The following MYO19 variants were observed in gnomAD, a reference collection of about 807,000 sequenced individuals.
MYO19 encodes the protein unconventional myosin-XIX.
MYO19 carries 132 observed loss-of-function variants against 129.2 expected under a neutral mutation model. The ratio of observed to expected loss-of-function variants is 1.02; its 90% CI spans 0.89 to 1.18. The LOEUF is 1.18. Among genes scored for constraint, MYO19 ranks in the 50% most tolerant of loss-of-function variants. The pLI is 0.00. For missense variants in MYO19, 1,210 were observed against 1,216.7 expected (o/e 0.99, Z 0.08); for synonymous variants, 531 against 477.2 (o/e 1.11, Z -1.47).
chr17:36,524,549 T>C lies in MYO19; in HGVS notation c.414+679A>G, dbSNP rs564433596. ...CCCCACTCATCTGTATGCAACATCC[T>C]GTCTCACCTGTTGTGGTTTTGCTAC... is the stretch of plus-strand genomic sequence containing the variant. On this transcript the variant is annotated intron_variant, in intron 6 of 25. Coordinates refer to ENST00000614623, the MANE Select transcript of MYO19 (RefSeq NM_001163735.2). 3.9e-5 allele frequency among the ~76,000 whole-genome samples: 6 copies of C among 152,354 alleles called. No individual in the cohort carries two copies. The South Asian group carries it at 1.2e-3, about 32-fold the overall frequency.
chr17:36,536,462 A>C (rs78954551), upstream of MYO19, among the ~76,000 whole-genome samples: 2 of 151,464 alleles, frequency 1.3e-5, no homozygotes, highest in East Asian at 3.9e-4. Flanking sequence ...CCATCTGCCT[A>C]TGATGCCATT....
chr17:36,512,978 A>C (rs2072469415), intron 11 of MYO19: 1 of 732,852 alleles, frequency 1.4e-6, no homozygotes, highest in Non-Finnish European at 1.9e-6. Context: ...ATCACCACTT[A>C]GTGGTATCTG....
At chr17:36,519,413 C>T (rs912686974) in intron 6 of MYO19, among the ~76,000 whole-genome samples, 6 of 151,970 alleles carry the variant, frequency 3.9e-5, no homozygotes, top group African/African-American at 1.4e-4. Context: ...ATATTTTTTC[C>T]CATCCATTTA....
intron 1 of MYO19, among the ~76,000 whole-genome samples, chr17:36,542,734 T>TTGA (rs1414284480): frequency 6.6e-6 from 1 of 151,936 alleles, no homozygotes; most frequent in Non-Finnish European, 1.5e-5. Context: ...GGTACATTAA[T>TTGA]TGATGTACCA....
intron 13 of MYO19, chr17:36,509,561 C>T (rs1179925930): frequency 4.4e-6 from 1 of 228,866 alleles, no homozygotes; most frequent in Admixed American, 5.1e-5. Context: ...CAAGGCCCCA[C>T]CATACCCCCT....
chr17:36,510,466 G>C (rs1439053588), intron 13 of MYO19, among the ~76,000 whole-genome samples: 1 of 152,222 alleles, frequency 6.6e-6, no homozygotes. Flanking sequence ...TCTTCACCTT[G>C]CTGAGGCTAA....
At chr17:36,500,788 TG>T (rs1473361387) in intron 23 of MYO19, 41 bp downstream of exon 23, 5 of 1,573,340 alleles carry the variant, frequency 3.2e-6, no homozygotes, top group Non-Finnish European at 4.3e-6. Flanking sequence ...CAACATCCTG[TG>T]GGGTCTGTGA....
At chr17:36,503,451 C>T (rs1417781605) in intron 20 of MYO19, among the ~76,000 whole-genome samples, 2 of 152,242 alleles carry the variant, frequency 1.3e-5, no homozygotes, top group Admixed American at 1.3e-4. Flanking sequence ...CACAAAGCAT[C>T]TCTTGTGTTA....
chr17:36,520,519 T>TG (rs1472110962), intron 6 of MYO19, among the ~76,000 whole-genome samples: 1 of 152,056 alleles, frequency 6.6e-6, no homozygotes, highest in African/African-American at 2.4e-5. Context: ...CACTTATACG[T>TG]GGGTTTTTTT....
At chr17:36,499,188 G>C in intron 23 of MYO19, 28 bp from the exon 24 acceptor site, 1 of 1,567,980 alleles carries the variant, frequency 6.4e-7, no homozygotes, top group Non-Finnish European at 8.7e-7. Flanking sequence ...AAACAGGAAA[G>C]AGATAATAAA....
chr17:36,504,247 C>T (rs6607288), intron 19 of MYO19: 5,401 of 494,490 alleles, frequency 0.011, 217 homozygotes, highest in African/African-American at 0.091. Flanking sequence ...CCTCATCCGA[C>T]GCATGGCTTC....
At chr17:36,535,033 C>T (rs1055882629), upstream of MYO19, 1 of 152,314 alleles carries the variant, frequency 6.6e-6, no homozygotes, top group Non-Finnish European at 1.5e-5. Flanking sequence ...ACGCCTGGTC[C>T]GGCTTGCTGG....
chr17:36,526,996 A>G (rs1312794869), intron 5 of MYO19, among the ~76,000 whole-genome samples: 1 of 152,002 alleles, frequency 6.6e-6, no homozygotes, highest in East Asian at 1.9e-4. Context: ...CCTGACCAAT[A>G]TGCCTACTAA....
chr17:36,507,040 G>A lies in MYO19; in HGVS notation c.1567C>T (p.Arg523Trp), dbSNP rs749106809. The A allele has an allele frequency of 4.3e-5, 70 of 1,613,684 alleles. No homozygotes were observed. Among genetic ancestry groups the A allele is most frequent in the Admixed American group, 1.0e-4 (6 of 60,018 alleles). Reference protein sequence around the residue: ...SPCLGHNKLSREPSFIVVHYA... With the variant: ...SPCLGHNKLSWEPSFIVVHYA... The stretch of plus-strand genomic sequence containing the variant: ...TGCACCACAATGAAGCTGGGCTCCC[G>A]GCTGAGCTTATTGTGGCCCAGGCAG... The change falls in exon 17 of 26, where the codon CGG becomes TGG. Residue 523 changes from arginine (R) to tryptophan (W), a missense_variant. Physicochemically the swap from Arg to Trp is moderately radical, Grantham distance 101 (BLOSUM62 -3). Transcript: ENST00000614623.
intron 14 of MYO19, 33 bp downstream of exon 14, chr17:36,509,029 T>C: frequency 6.3e-7 from 1 of 1,598,836 alleles, no homozygotes; most frequent in African/African-American, 1.3e-5. Context: ...GCTCTTTTTC[T>C]GGAGTGCTCC....
chr17:36,521,150 G>C (rs1208251839), intron 6 of MYO19, among the ~76,000 whole-genome samples: 1 of 152,128 alleles, frequency 6.6e-6, no homozygotes, highest in Non-Finnish European at 1.5e-5. Context: ...TAAGCTCACG[G>C]GAAAAGTTAT....
chr17:36,508,128 C>A (rs1029518047), intron 14 of MYO19: 13 of 458,268 alleles, frequency 2.8e-5, no homozygotes, highest in African/African-American at 2.0e-4. Flanking sequence ...CTACCCCATT[C>A]CCCTGTAGAG....
At chr17:36,505,498 C>A (rs991185877) in intron 18 of MYO19, 94 bp from the exon 19 acceptor site, 7 of 843,704 alleles carry the variant, frequency 8.3e-6, no homozygotes, top group African/African-American at 1.7e-5. Flanking sequence ...ATGCCTCCAG[C>A]GGGCCCTTCC....
intron 21 of MYO19, among the ~76,000 whole-genome samples, chr17:36,502,390 C>A (rs2071595103): frequency 6.6e-6 from 1 of 152,186 alleles, no homozygotes; most frequent in South Asian, 2.1e-4. Flanking sequence ...CTTGCTTTTC[C>A]TCACTTCCCA....
Sources: gnomAD v4.1 joint callset for allele counts (sites outside exome capture counted in the v4.1 genomes callset) on GRCh38, gnomAD v4.1.1 for gene constraint, MANE v1.5 for transcripts, NCBI Gene and HGNC (gene_info 2026-07-23, HGNC 2026-07-21) for gene names.